The following FGGY variants were observed in gnomAD, a reference collection of about 807,000 sequenced individuals.
The protein encoded by FGGY is FGGY carbohydrate kinase domain-containing protein.
A neutral mutation model predicts 71.3 loss-of-function variants in FGGY; 72 were observed. That is an observed-to-expected ratio of 1.01 (90% CI 0.84 to 1.23). The LOEUF (loss-of-function observed/expected upper bound fraction) is 1.23, where lower values mean the gene tolerates loss of function less well. Among genes scored for constraint, FGGY ranks in the 50% most tolerant of loss-of-function variants. FGGY has a pLI of 0.00. For synonymous variants in FGGY, 251 were observed against 250.3 expected (o/e 1.00, Z -0.02); for missense variants, 668 against 682.3 (o/e 0.98, Z 0.23).
chr1:59,433,580 C>T (rs2067821636), intron 5 of FGGY, among the ~76,000 whole-genome samples: 1 of 152,176 alleles, frequency 6.6e-6, no homozygotes, highest in African/African-American at 2.4e-5. Flanking sequence ...ATGGTACCAC[C>T]TGGCAAAATC....
intron 8 of FGGY, among the ~76,000 whole-genome samples, chr1:59,554,565 G>A (rs577506370): frequency 7.2e-5 from 11 of 152,256 alleles, no homozygotes; most frequent in East Asian, 1.9e-4. Context: ...AATGGGTAGC[G>A]GGGTCTTCTC....
At chr1:59,705,080 C>G (rs973013533) in intron 14 of FGGY, among the ~76,000 whole-genome samples, 2 of 152,100 alleles carry the variant, frequency 1.3e-5, no homozygotes, top group African/African-American at 4.8e-5. Context: ...CTATTAATAT[C>G]TTTTCTTCAT....
chr1:59,600,245 G>A (rs148223617), intron 8 of FGGY, among the ~76,000 whole-genome samples: 1 of 152,272 alleles, frequency 6.6e-6, no homozygotes, highest in African/African-American at 2.4e-5. Flanking sequence ...CCTACTGTGG[G>A]GCAGATGAGA....
intron 9 of FGGY, among the ~76,000 whole-genome samples, chr1:59,616,028 A>G (rs1289672866): frequency 1.3e-5 from 2 of 152,160 alleles, no homozygotes; most frequent in Non-Finnish European, 2.9e-5. Flanking sequence ...ACACTTTTAC[A>G]CTGTTGGTGG....
At chr1:59,596,904 A>G (rs2096530675) in intron 8 of FGGY, among the ~76,000 whole-genome samples, 1 of 152,140 alleles carries the variant, frequency 6.6e-6, no homozygotes, top group Non-Finnish European at 1.5e-5. Context: ...CCATCCAGCC[A>G]TCATACTTTC....
chr1:59,337,749 T>A (rs906984976), intron 2 of FGGY, among the ~76,000 whole-genome samples: 76 of 152,188 alleles, frequency 5.0e-4, no homozygotes, highest in Non-Finnish European at 8.7e-4. Context: ...GTTCTAGTAA[T>A]TTTTTTAGCT....
At chr1:59,652,263 G>C (rs1305028847) in intron 11 of FGGY, among the ~76,000 whole-genome samples, 1 of 146,618 alleles carries the variant, frequency 6.8e-6, no homozygotes, top group Non-Finnish European at 1.5e-5. Context: ...GTATCTTTGT[G>C]GCATTCTCTG....
chr1:59,356,400 A>G (rs918723516), intron 4 of FGGY, among the ~76,000 whole-genome samples: 1 of 152,134 alleles, frequency 6.6e-6, no homozygotes, highest in Non-Finnish European at 1.5e-5. Context: ...CTTCACCAGG[A>G]AAACTTATAA....
chr1:59,580,187 C>A (rs960830448), intron 8 of FGGY, among the ~76,000 whole-genome samples: 1 of 152,168 alleles, frequency 6.6e-6, no homozygotes, highest in African/African-American at 2.4e-5. Context: ...TTTCTACACA[C>A]AGTTATCGTC....
intron 7 of FGGY, among the ~76,000 whole-genome samples, chr1:59,526,393 G>A (rs761315928): frequency 6.6e-5 from 10 of 152,204 alleles, no homozygotes; most frequent in Non-Finnish European, 1.5e-4. Flanking sequence ...TATATGTTGA[G>A]CACATACTTT....
chr1:59,599,663 C>T (rs987289571), intron 8 of FGGY, among the ~76,000 whole-genome samples: 6 of 132,692 alleles, frequency 4.5e-5, no homozygotes, highest in African/African-American at 1.7e-4. Flanking sequence ...CACTTCACTT[C>T]AGCTGGGGGA....
intron 6 of FGGY, among the ~76,000 whole-genome samples, chr1:59,467,981 G>A (rs2092734965): frequency 6.6e-6 from 1 of 151,546 alleles, no homozygotes. Flanking sequence ...TCGGCTCACT[G>A]CAACCTCTGC....
chr1:59,533,065 C>T (rs201007291), intron 7 of FGGY, among the ~76,000 whole-genome samples: 14 of 152,182 alleles, frequency 9.2e-5, no homozygotes, highest in East Asian at 5.8e-4. Context: ...ACACAGCAGA[C>T]GGTGATTTCT....
chr1:59,345,050 C>T (rs1369243371), intron 3 of FGGY, among the ~76,000 whole-genome samples: 3 of 152,052 alleles, frequency 2.0e-5, no homozygotes, highest in Admixed American at 6.6e-5. Context: ...ACATTGGGTA[C>T]GTCTTCACTT....
intron 11 of FGGY, 112 bp from the exon 12 acceptor site, chr1:59,660,107 T>A: frequency 1.1e-6 from 1 of 906,464 alleles, no homozygotes; most frequent in Admixed American, 2.0e-5. Context: ...GGGATTTGCA[T>A]ATGAACTTGT....
At chr1:59,639,715 C>T (rs2097000481) in intron 11 of FGGY, among the ~76,000 whole-genome samples, 1 of 152,120 alleles carries the variant, frequency 6.6e-6, no homozygotes, top group Admixed American at 6.5e-5. Flanking sequence ...TTTTAAATGA[C>T]CCCAAAACAA....
chr1:59,540,061 C>G (rs2095415754), intron 7 of FGGY, among the ~76,000 whole-genome samples: 2 of 152,176 alleles, frequency 1.3e-5, no homozygotes, highest in South Asian at 4.1e-4. Flanking sequence ...TAAAACCATA[C>G]TATGATATCA....
chr1:59,704,108 T>A (rs891278147), intron 14 of FGGY, among the ~76,000 whole-genome samples: 2 of 152,282 alleles, frequency 1.3e-5, no homozygotes, highest in African/African-American at 4.8e-5. Flanking sequence ...AATGTGTATA[T>A]GTGCGCACAT....
intron 13 of FGGY, among the ~76,000 whole-genome samples, chr1:59,670,737 T>C (rs527349800): frequency 6.6e-6 from 1 of 151,962 alleles, no homozygotes; most frequent in Non-Finnish European, 1.5e-5. Context: ...AGCAGCTTAT[T>C]ATTTTGAAAG....
Sources: gnomAD v4.1 joint callset for allele counts (sites outside exome capture counted in the v4.1 genomes callset) on GRCh38, gnomAD v4.1.1 for gene constraint, MANE v1.5 for transcripts, NCBI Gene and HGNC (gene_info 2026-07-23, HGNC 2026-07-21) for gene names.